Variants in SVIL observed in about 807,000 individuals in gnomAD.
SVIL encodes archvillin.
A neutral mutation model predicts 240.4 loss-of-function variants in SVIL; 101 were observed. The observed-to-expected ratio is 0.42, with a 90% confidence interval of 0.36 to 0.50. SVIL has a LOEUF of 0.50. Among genes scored for constraint, SVIL ranks in the 20% least tolerant of loss-of-function variants. The pLI is 0.01. For synonymous variants in SVIL, 999 were observed against 1,100.0 expected, an observed-to-expected ratio of 0.91 and a Z score of 1.82; for missense variants, 2,512 against 2,818.7, an observed-to-expected ratio of 0.89 and a Z score of 2.46.
intron 1 of SVIL, among the ~76,000 whole-genome samples, chr10:29,587,277 G>A (rs1204287893): frequency 5.3e-5 from 8 of 152,194 alleles, no homozygotes; most frequent in Admixed American, 1.3e-4. Flanking sequence ...ACTAGGCCAC[G>A]TCTCCGGGGC....
chr10:29,550,721 G>A lies in SVIL; in HGVS notation c.703C>T (p.Arg235Ter). The A allele has an allele frequency of 6.2e-7, 1 of 1,614,112 alleles. No homozygotes were observed. The highest frequency in any genetic ancestry group is 1.3e-5 in the African/African-American group (1 of 75,006). ...ESSSTFSFSG[R>*]DSSFTEVPRS... ...GGCACTTCAGTGAAGGAGGAGTCTC[G>A]CCCAGAGAAAGAGAAGGTCGAGGAA... The change falls in exon 6 of 38, where the codon CGA (arginine) becomes TGA (stop). Residue 235 changes from arginine (R) to a stop codon, truncating the protein, a stop_gained. Transcript: ENST00000355867. LOFTEE classifies it high-confidence loss of function.
rs367888082 is a variant in SVIL, at chr10:29,473,820, G to C, written c.5529+18C>G. The C allele has an allele frequency of 6.2e-7, 1 of 1,613,640 alleles. No homozygotes were observed. The highest frequency in any genetic ancestry group is 8.5e-7 in the Non-Finnish European group (1 of 1,179,862). On this transcript the variant is annotated intron_variant, in intron 30 of 37. Transcript: ENST00000355867. ...TGCTCCTCTCAGTCCCCGGGGTGCA[G>C]AGCTCCCCAGGACTCACCTGGGCCC...
chr10:29,567,975 T>A (rs1372805294), intron 2 of SVIL, among the ~76,000 whole-genome samples: 1 of 146,326 alleles, frequency 6.8e-6, no homozygotes, highest in African/African-American at 2.6e-5. Flanking sequence ...TGAGATCGCG[T>A]CACTGCACTC....
intron 2 of SVIL, among the ~76,000 whole-genome samples, chr10:29,683,751 G>T (rs1164829168): frequency 6.6e-6 from 1 of 152,062 alleles, no homozygotes; most frequent in African/African-American, 2.4e-5. Context: ...TGCACTAAGA[G>T]GTTCCTTAGG....
At chr10:29,701,121 C>A (rs1017746994) in intron 1 of SVIL, among the ~76,000 whole-genome samples, 1 of 152,146 alleles carries the variant, frequency 6.6e-6, no homozygotes, top group African/African-American at 2.4e-5. Flanking sequence ...TCTGGAAATT[C>A]TTCCTCTCTC....
In SVIL at chr10:29,553,438, C is replaced by T. The variant is rs537374039; in HGVS notation, c.160+1345G>A. Among the ~76,000 whole-genome samples, 7 of 152,064 alleles carry T rather than the reference C, an allele frequency of 4.6e-5. No individual in the cohort carries two copies. The South Asian group carries it at 1.0e-3, about 23-fold the overall frequency. ...TACTAAAAATACAAAAAAATTAGCC[C>T]GGTATGGTGGCGGGCACCTGTAATC... On this transcript the variant is annotated intron_variant, in intron 5 of 37. Transcript: ENST00000355867.
chr10:29,513,950 C>T (rs920226005), intron 16 of SVIL, among the ~76,000 whole-genome samples: 4 of 145,622 alleles, frequency 2.7e-5, no homozygotes, highest in African/African-American at 7.7e-5. Context: ...TAGGTATTTA[C>T]GCTGGACAAA....
chr10:29,733,600 T>C (rs1964742081), intron 1 of SVIL, among the ~76,000 whole-genome samples: 1 of 152,212 alleles, frequency 6.6e-6, no homozygotes, highest in South Asian at 2.1e-4. Flanking sequence ...GCACGGCACC[T>C]GGCCTTTGAT....
At chr10:29,661,756 C>T (rs1959166375) in intron 2 of SVIL, among the ~76,000 whole-genome samples, 1 of 152,192 alleles carries the variant, frequency 6.6e-6, no homozygotes, top group South Asian at 2.1e-4. Flanking sequence ...CATGGAGGTG[C>T]TCACAGTGAA....
intron 1 of SVIL, among the ~76,000 whole-genome samples, chr10:29,616,681 C>T (rs1957438798): frequency 6.6e-6 from 1 of 152,192 alleles, no homozygotes; most frequent in Non-Finnish European, 1.5e-5. Context: ...TCCCTTTGTT[C>T]AGGTGTCTCC....
intron 17 of SVIL, among the ~76,000 whole-genome samples, chr10:29,509,376 AGAG>A (rs1949655457): frequency 7.2e-6 from 1 of 139,288 alleles, no homozygotes; most frequent in African/African-American, 2.8e-5. Flanking sequence ...AGAGAGAGAG[AGAG>A]AATACCCAAA....
At chr10:29,659,095 C>T (rs1315438177) in intron 2 of SVIL, among the ~76,000 whole-genome samples, 1 of 152,168 alleles carries the variant, frequency 6.6e-6, no homozygotes, top group Non-Finnish European at 1.5e-5. Context: ...TGCATTTCCC[C>T]TTGTGGTTTG....
chr10:29,511,415 G>A (rs1326286555), intron 17 of SVIL, among the ~76,000 whole-genome samples: 3 of 138,710 alleles, frequency 2.2e-5, no homozygotes, highest in Admixed American at 7.4e-5. Flanking sequence ...CTTCCAAAAT[G>A]ATGGACAAGG....
intron 1 of SVIL, among the ~76,000 whole-genome samples, chr10:29,598,958 G>A (rs572264773): frequency 2.7e-4 from 41 of 152,268 alleles, no homozygotes; most frequent in African/African-American, 9.1e-4. Context: ...CCCAGCCAAC[G>A]TTTCATGAAA....
At chr10:29,621,755 C>T (rs1746925284) in intron 1 of SVIL, among the ~76,000 whole-genome samples, 1 of 152,114 alleles carries the variant, frequency 6.6e-6, no homozygotes, top group South Asian at 2.1e-4. Context: ...CCTACATAGC[C>T]CAAGAGTTCT....
intron 7 of SVIL, 127 bp downstream of exon 7, chr10:29,535,862 C>A (rs1008461156): frequency 2.2e-6 from 2 of 891,240 alleles, no homozygotes; most frequent in Non-Finnish European, 3.6e-6. Context: ...AAAGTAACTT[C>A]CACGTGATTT....
Position 29,481,553 on chromosome 10 carries a change from C to T in SVIL, c.5100+31G>A, listed in dbSNP as rs61400567. The T allele has an allele frequency of 5.6e-4, 908 of 1,611,998 alleles. 6 individuals carry two copies. The African/African-American group carries it at 0.011, about 19-fold the overall frequency. Reference sequence around the variant, plus strand: ...ACTTTTATTGGGACCCGAACCAAGCCCCGAGTTTTGAGGCTTGGTCGCCGG... The same window carrying T: ...ACTTTTATTGGGACCCGAACCAAGCTCCGAGTTTTGAGGCTTGGTCGCCGG... On this transcript the variant is annotated intron_variant, in intron 28 of 37. Coordinates refer to ENST00000355867, the MANE Select transcript of SVIL (RefSeq NM_021738.3).
In SVIL at chr10:29,735,107, A is replaced by T. The variant is rs534623005; in HGVS notation, c.-400+644T>A. On this transcript the variant is annotated intron_variant, in intron 1 of 35. Transcript: ENST00000375400. The surrounding 1 kb of genome is among the most constrained non-coding windows in gnomAD (Gnocchi z 4.1). Reference sequence around the variant, plus strand: ...TGGAGCTCCACTCGGGGTGCCAGGGACTGCTGGCTGTCACCCGGGGACTAA... The same window carrying T: ...TGGAGCTCCACTCGGGGTGCCAGGGTCTGCTGGCTGTCACCCGGGGACTAA... Among the ~76,000 whole-genome samples the T allele has an allele frequency of 6.6e-6, 1 of 151,766 alleles. No individual in the cohort carries two copies. Among genetic ancestry groups the T allele is most frequent in the South Asian group, 2.1e-4 (1 of 4,812 alleles).
chr10:29,634,038 C>G (rs1208666852), intron 1 of SVIL, among the ~76,000 whole-genome samples: 1 of 152,050 alleles, frequency 6.6e-6, no homozygotes, highest in Non-Finnish European at 1.5e-5. Context: ...TTCTGAACTC[C>G]ACCCCCATAC....
Sources: gnomAD v4.1 joint callset for allele counts (sites outside exome capture counted in the v4.1 genomes callset) on GRCh38, gnomAD v4.1.1 for gene constraint, Gnocchi (gnomAD v3.1) non-coding constraint, MANE v1.5 for transcripts, NCBI Gene and HGNC (gene_info 2026-07-23, HGNC 2026-07-21) for gene names.